The following FCRL4 variants were observed in gnomAD, a reference collection of about 807,000 sequenced individuals.
The protein encoded by FCRL4 is Fc receptor like 4.
In FCRL4, 43 loss-of-function variants were observed where a neutral mutation model predicts 64.1. The observed-to-expected ratio is 0.67, with a 90% CI of 0.53 to 0.87. The LOEUF (loss-of-function observed/expected upper bound fraction) is 0.87. FCRL4 is among the 40% of genes least tolerant of loss of function. The pLI is 0.00. For missense variants in FCRL4, 656 were observed against 613.5 expected, an observed-to-expected ratio of 1.07 and a Z score of -0.73; for synonymous variants, 253 against 239.8, an observed-to-expected ratio of 1.05 and a Z score of -0.51.
intron 2 of FCRL4, among the ~76,000 whole-genome samples, chr1:157,589,893 A>G (rs1313110403): frequency 1.3e-5 from 2 of 152,184 alleles, no homozygotes; most frequent in Non-Finnish European, 2.9e-5. Context: ...TCTCTTTGGC[A>G]TATGGATTAT....
At chr1:157,578,916 C>A in intron 8 of FCRL4, 64 bp from the exon 9 acceptor site, 1 of 1,318,672 alleles carries the variant, frequency 7.6e-7, no homozygotes, top group South Asian at 1.4e-5. Flanking sequence ...AGTGAGATAC[C>A]CAGGGAGAGC....
At chr1:157,582,504 C>G (rs76577796) in intron 6 of FCRL4, among the ~76,000 whole-genome samples, 3,216 of 152,260 alleles carry the variant, frequency 0.021, 116 homozygotes, top group African/African-American at 0.073. Flanking sequence ...GGGCGTGGTA[C>G]TTTCCCATAT....
chr1:157,593,607 T>C (rs889416329), intron 2 of FCRL4, among the ~76,000 whole-genome samples: 1 of 152,216 alleles, frequency 6.6e-6, no homozygotes, highest in Non-Finnish European at 1.5e-5. Context: ...GTGGAATTCC[T>C]TTCTGACTTT....
intron 11 of FCRL4, 32 bp from the exon 12 acceptor site, chr1:157,575,642 G>C: frequency 6.2e-7 from 1 of 1,611,424 alleles, no homozygotes; most frequent in Non-Finnish European, 8.5e-7. Context: ...GAAACCGAGA[G>C]GGAGTGTGAG....
At chr1:157,576,514 A>G (rs1188099181) in intron 10 of FCRL4, among the ~76,000 whole-genome samples, 1 of 152,244 alleles carries the variant, frequency 6.6e-6, no homozygotes, top group African/African-American at 2.4e-5. Context: ...AACCTTAAGG[A>G]ACAGGTGAAG....
intron 3 of FCRL4, among the ~76,000 whole-genome samples, chr1:157,588,473 C>T (rs904704938): frequency 6.6e-6 from 1 of 152,166 alleles, no homozygotes; most frequent in Admixed American, 6.5e-5. Flanking sequence ...AAAGAAGTGG[C>T]ACTTAGAGAA....
At chr1:157,592,040 A>C (rs1392419616) in intron 2 of FCRL4, among the ~76,000 whole-genome samples, 1 of 152,224 alleles carries the variant, frequency 6.6e-6, no homozygotes, top group South Asian at 2.1e-4. Context: ...CTGGCTAGCC[A>C]TATGTAGAAA....
rs147835945 is a variant in FCRL4 at position 157,587,530 on chromosome 1, G to A, written c.593C>T (p.Thr198Ile). The stretch of plus-strand genomic sequence containing the variant: ...ATTCCCCTCTGTAGGCTGAGAGTCT[G>A]TAGCTTTCAGCTCTGGATGTGGAAA... ...ELFPHPELKA[T>I]DSQPTEGNSV... Residue 198 changes from threonine (T) to isoleucine (I), a missense_variant, in exon 5 of 12, where the codon ACA becomes ATA. Transcript: ENST00000271532. 2.6e-5 allele frequency: 42 copies of A among 1,614,004 alleles called. No individual in the cohort carries two copies. In the African/African-American group the frequency reaches 5.5e-4, roughly 21 times the overall value.
At chr1:157,576,240 A>C (rs1269834292) in intron 10 of FCRL4, among the ~76,000 whole-genome samples, 1 of 152,206 alleles carries the variant, frequency 6.6e-6, no homozygotes, top group African/African-American at 2.4e-5. Flanking sequence ...TGAACCATGC[A>C]TATTAGAAAT....
intron 2 of FCRL4, among the ~76,000 whole-genome samples, chr1:157,595,697 G>A (rs1652946125): frequency 6.6e-6 from 1 of 152,262 alleles, no homozygotes; most frequent in South Asian, 2.1e-4. Flanking sequence ...GAACAGCAGA[G>A]TTAGGAGCTG....
intron 6 of FCRL4, among the ~76,000 whole-genome samples, chr1:157,585,648 G>C (rs560186937): frequency 1.3e-5 from 2 of 151,996 alleles, no homozygotes; most frequent in East Asian, 3.9e-4. Flanking sequence ...TGCTCTCCCT[G>C]CTTCTTGTGA....
intron 10 of FCRL4, among the ~76,000 whole-genome samples, chr1:157,576,141 A>G (rs2101673202): frequency 6.6e-6 from 1 of 152,352 alleles, no homozygotes; most frequent in Middle Eastern, 3.4e-3. Flanking sequence ...TCTCTCCTAC[A>G]TTAACAAGTT....
At position 157,589,358 on chromosome 1, in the gene FCRL4, T is replaced by A. The variant is rs770841942; in HGVS notation, c.153A>T (p.Ala51=). The change falls in exon 3 of 12, where the codon GCA becomes GCT. Residue 51 remains alanine, a synonymous_variant. Transcript: ENST00000271532. ...TLTCNGFQFY[A]TEKTTWYHRH... Reference sequence around the variant, plus strand: ...GATGATACCATGTTGTTTTCTCTGTTGCATAGAACTGAAATCCATTGCAAG... The same window carrying A: ...GATGATACCATGTTGTTTTCTCTGTAGCATAGAACTGAAATCCATTGCAAG... 6.2e-7 allele frequency: 1 copy of A among 1,614,100 alleles called. No individual in the cohort carries two copies. Among genetic ancestry groups the A allele is most frequent in the African/African-American group, 1.3e-5 (1 of 74,940 alleles).
rs1350260802 is a variant in FCRL4, at chr1:157,588,029, G to A, written c.398C>T (p.Ala133Val). 1 of 1,613,198 alleles carries A rather than the reference G, an allele frequency of 6.2e-7. No individual in the cohort carries two copies. The highest frequency in any genetic ancestry group is 1.7e-5 in the Admixed American group (1 of 59,960). ...CHRRRKEKLT[A>V]VKYTWNGNIL... ...GTTTCCATTCCAAGTATATTTCACA[G>A]CAGTCAATTTCTCTTTCCTTCTTCT... is the stretch of plus-strand genomic sequence containing the variant. The change falls in exon 4 of 12, where the codon GCT becomes GTT. Residue 133 changes from alanine (A) to valine (V), a missense_variant. Physicochemically the swap from Ala to Val is moderately conservative, Grantham distance 64 (BLOSUM62 0). Transcript: ENST00000271532.
At position 157,587,518 on chromosome 1, in the gene FCRL4, G is replaced by A; in HGVS notation, c.605C>T (p.Pro202Leu). The A allele has an allele frequency of 6.2e-7, 1 of 1,614,210 alleles. No individual in the cohort carries two copies. The highest frequency in any genetic ancestry group is 8.5e-7 in the Non-Finnish European group (1 of 1,180,036). ...HPELKATDSQ[P>L]TEGNSVNLSC... Reference sequence around the variant, plus strand: ...CAGGTTTACAGAATTCCCCTCTGTAGGCTGAGAGTCTGTAGCTTTCAGCTC... The same window carrying A: ...CAGGTTTACAGAATTCCCCTCTGTAAGCTGAGAGTCTGTAGCTTTCAGCTC... The change falls in exon 5 of 12, where the codon CCT becomes CTT. Residue 202 changes from proline (P) to leucine (L), a missense_variant. Coordinates refer to ENST00000271532, the MANE Select transcript of FCRL4 (RefSeq NM_031282.3).
intron 2 of FCRL4, among the ~76,000 whole-genome samples, chr1:157,593,496 T>A (rs1190737309): frequency 1.3e-5 from 2 of 152,302 alleles, no homozygotes; most frequent in South Asian, 2.1e-4. Flanking sequence ...GATGAACTAG[T>A]AGAAGAAAAG....
At chr1:157,576,425 A>T (rs1215608287) in intron 10 of FCRL4, among the ~76,000 whole-genome samples, 1 of 152,232 alleles carries the variant, frequency 6.6e-6, no homozygotes, top group Non-Finnish European at 1.5e-5. Flanking sequence ...TTTTAATAAT[A>T]TGATGGAAGC....
At position 157,578,421 on chromosome 1, in the gene FCRL4, T is replaced by C; in HGVS notation, c.1429+53A>G. Reference sequence around the variant, plus strand: ...CACATAGGAGGTGCTCAGTAAATATTTGTTGAATGAATGAATATAGTTTGC... The same window carrying C: ...CACATAGGAGGTGCTCAGTAAATATCTGTTGAATGAATGAATATAGTTTGC... On this transcript the variant is annotated intron_variant, in intron 10 of 11. Coordinates refer to ENST00000271532, the MANE Select transcript of FCRL4 (RefSeq NM_031282.3). 4 of 1,431,486 alleles carry C rather than the reference T, an allele frequency of 2.8e-6. No homozygotes were observed. The South Asian group carries it at 4.6e-5, about 16-fold the overall frequency. 88.7% of individuals were successfully genotyped at this position (1,431,486 alleles called of 1,614,324 possible).
chr1:157,590,900 A>C (rs1413637307), intron 2 of FCRL4, among the ~76,000 whole-genome samples: 2 of 152,160 alleles, frequency 1.3e-5, no homozygotes, highest in Non-Finnish European at 2.9e-5. Flanking sequence ...TTGCCCTCTT[A>C]AGGTTTGCTG....
Sources: gnomAD v4.1 joint callset for allele counts (sites outside exome capture counted in the v4.1 genomes callset) on GRCh38, gnomAD v4.1.1 for gene constraint, MANE v1.5 for transcripts, NCBI Gene and HGNC (gene_info 2026-07-23, HGNC 2026-07-21) for gene names.